Variants in KRT17 observed in about 807,000 individuals in gnomAD.
The protein encoded by KRT17 is keratin, type I cytoskeletal 17.
In KRT17, 29 loss-of-function variants were observed where a neutral mutation model predicts 45.6. The observed-to-expected ratio is 0.64, with a 90% confidence interval of 0.47 to 0.87. The LOEUF is 0.87. Ranked by LOEUF, KRT17 falls within the 40% of genes least tolerant of loss-of-function variation. The pLI is 0.00. For missense variants in KRT17, 536 were observed against 577.8 expected, an observed-to-expected ratio of 0.93 and a Z score of 0.74; for synonymous variants, 219 against 234.6, an observed-to-expected ratio of 0.93 and a Z score of 0.61.
Position 41,621,943 on chromosome 17 carries a change from C to T in KRT17, c.673-189G>A, listed in dbSNP as rs138410478. On this transcript the variant is annotated intron_variant, in intron 3 of 7. Transcript: ENST00000311208. ...TGCCTCCACCATCAGACTCTATCTC[C>T]CCCATTAGACCAAGGACTCTCCAAA... 6.1e-3 allele frequency: 4,050 copies of T among 662,842 alleles called. 95 individuals carry two copies. In the East Asian group the frequency reaches 0.062, roughly 10 times the overall value. 41.1% of individuals were successfully genotyped at this position (662,842 alleles called of 1,614,324 possible).
intron 6 of KRT17, 35 bp downstream of exon 6, chr17:41,620,624 G>C: frequency 6.2e-7 from 1 of 1,610,250 alleles, no homozygotes; most frequent in Non-Finnish European, 8.5e-7. Flanking sequence ...CCTGCCAAGA[G>C]ACCCCCAGCC....
At chr17:41,623,065 A>G in intron 1 of KRT17, 33 bp from the exon 2 acceptor site, 1 of 1,543,270 alleles carries the variant, frequency 6.5e-7, no homozygotes, top group Non-Finnish European at 9.0e-7. Context: ...AGGTCATTGG[A>G]TGGGGGTGGC....
intron 7 of KRT17, chr17:41,619,915 C>T: frequency 1.0e-6 from 1 of 985,400 alleles, no homozygotes; most frequent in Non-Finnish European, 1.2e-6. Flanking sequence ...TCTTGCCTCC[C>T]CAGATGGGTT....
At chr17:41,619,985 G>A (rs759288475) in intron 7 of KRT17, 100 of 985,172 alleles carry the variant, frequency 1.0e-4, no homozygotes, top group Admixed American at 5.5e-4. Flanking sequence ...CATGAAATCC[G>A]TCTCCATTTC....
rs2144611157 is a variant in KRT17 at position 41,619,450 on chromosome 17, T to A, written c.*144A>T. On this transcript the variant is annotated 3_prime_UTR_variant, in exon 8 of 8. Coordinates refer to ENST00000311208, the MANE Select transcript of KRT17 (RefSeq NM_000422.3). ...AACAAGGACACATTTCATAGCTGAG[T>A]CAACAAGCTTTATTGTCATCAGGCA... The A allele has an allele frequency of 2.1e-6, 3 of 1,457,936 alleles. No individual in the cohort carries two copies. In the East Asian group the frequency reaches 6.9e-5, roughly 34 times the overall value. 90.3% of individuals were successfully genotyped at this position (1,457,936 alleles called of 1,614,324 possible). A position where few individuals can be genotyped will look rare whatever the true frequency, so the allele number is the denominator to read the frequency against.
Position 41,619,484 on chromosome 17 carries a change from T to A in KRT17, c.*110A>T. On this transcript the variant is annotated 3_prime_UTR_variant, in exon 8 of 8. Coordinates refer to ENST00000311208, the MANE Select transcript of KRT17 (RefSeq NM_000422.3). ...TTTATTGTCATCAGGCAAGGAAGCA[T>A]GGGGAAGGGACTGAAGCAGGGGGCT... 6.3e-7 allele frequency: 1 copy of A among 1,585,272 alleles called. No individual in the cohort carries two copies. Among genetic ancestry groups the A allele is most frequent in the Non-Finnish European group, 8.6e-7 (1 of 1,159,508 alleles).
rs370558562 is a variant in KRT17, at chr17:41,624,046, C to A, written c.432+32G>T. On this transcript the variant is annotated intron_variant, in intron 1 of 7. Coordinates refer to ENST00000311208, the MANE Select transcript of KRT17 (RefSeq NM_000422.3). Reference sequence around the variant, plus strand: ...GGAGTTGGGGGGAAGAAGTCATGCCCCCCGGAGACCCCTCCCACCAGCAGG... The same window carrying A: ...GGAGTTGGGGGGAAGAAGTCATGCCACCCGGAGACCCCTCCCACCAGCAGG... 1.8e-4 allele frequency: 289 copies of A among 1,611,894 alleles called. No individual in the cohort carries two copies. The African/African-American group carries it at 3.4e-3, about 19-fold the overall frequency.
chr17:41,622,395 A>T lies in KRT17; in HGVS notation c.632T>A (p.Leu211His), dbSNP rs758738869. Residue 211 changes from leucine to histidine, a missense_variant, in exon 3 of 8, where the codon CTC becomes CAC. Physicochemically the swap from Leu to His is moderately conservative, Grantham distance 99 (BLOSUM62 -3). Coordinates refer to ENST00000311208, the MANE Select transcript of KRT17 (RefSeq NM_000422.3). ...CTTCAGGTAGGCCAGCTCCTCCTTG[A>T]GGTTCTCAATCTGCATCTCCAGGTC... ...RADLEMQIENLKEELAYLKKN... is the reference protein window; with the variant it reads ...RADLEMQIENHKEELAYLKKN... 6.2e-7 allele frequency: 1 copy of T among 1,613,934 alleles called. No homozygotes were observed. The highest frequency in any genetic ancestry group is 8.5e-7 in the Non-Finnish European group (1 of 1,180,018).
chr17:41,623,088 A>G (rs1908602245), intron 1 of KRT17, 56 bp from the exon 2 acceptor site: 1 of 1,317,598 alleles, frequency 7.6e-7, no homozygotes, highest in African/African-American at 1.4e-5. Flanking sequence ...AGCCCACACC[A>G]GGGTTCTGAG....
At chr17:41,623,868 C>T (rs1259041082) in intron 1 of KRT17, among the ~76,000 whole-genome samples, 1 of 152,238 alleles carries the variant, frequency 6.6e-6, no homozygotes, top group Non-Finnish European at 1.5e-5. Flanking sequence ...TCCACAAGGC[C>T]TCTTTGTTCC....
In KRT17 at chr17:41,621,625, G is replaced by T; in HGVS notation, c.802C>A (p.Arg268Ser). 1 of 1,612,080 alleles carries T rather than the reference G, an allele frequency of 6.2e-7. No individual in the cohort carries two copies. Among genetic ancestry groups the T allele is most frequent in the Non-Finnish European group, 8.5e-7 (1 of 1,179,858 alleles). The change falls in exon 4 of 8, where the codon CGC becomes AGC. Residue 268 changes from arginine to serine, a missense_variant. Physicochemically the swap from Arg to Ser is moderately radical, Grantham distance 110. Coordinates refer to ENST00000311208, the MANE Select transcript of KRT17 (RefSeq NM_000422.3). ...AAGAACCAATCCTCGGCATCCTTGC[G>T]GTTCTTCTCTGCCATCTTCTCATAC... Reference protein sequence around the residue: ...DQYEKMAEKNRKDAEDWFFSK... With the variant: ...DQYEKMAEKNSKDAEDWFFSK...
rs774006250 is a variant in KRT17 at position 41,620,583 on chromosome 17, G to C, written c.1182-25C>G. 105 of 1,610,870 alleles carry C rather than the reference G, an allele frequency of 6.5e-5. 1 individual carries two copies. In the Admixed American group the frequency reaches 1.7e-3, roughly 27 times the overall value. On this transcript the variant is annotated intron_variant, in intron 6 of 7. Transcript: ENST00000311208. Reference sequence around the variant, plus strand: ...GCTGAAAGAAAAAAAAAAACAGAGAGGAAATTAGATGTGGGTCTGAGAGCC... The same window carrying C: ...GCTGAAAGAAAAAAAAAAACAGAGACGAAATTAGATGTGGGTCTGAGAGCC...
chr17:41,620,710 A>G lies in KRT17; in HGVS notation c.1130T>C (p.Leu377Pro). The change falls in exon 6 of 8, where the codon CTG becomes CCG. Residue 377 changes from leucine to proline, a missense_variant. Coordinates refer to ENST00000311208, the MANE Select transcript of KRT17 (RefSeq NM_000422.3). ...GCGGTAGGTGGCAATCTCCTGCTCCAGCCGCGTCTTCACATCCAGCAGGAT... is the reference window on the plus strand; with the variant it reads ...GCGGTAGGTGGCAATCTCCTGCTCCGGCCGCGTCTTCACATCCAGCAGGAT... ...YKILLDVKTR[L>P]EQEIATYRRL... 1.2e-6 allele frequency: 2 copies of G among 1,612,136 alleles called. No homozygotes were observed. Among genetic ancestry groups the G allele is most frequent in the African/African-American group, 2.7e-5 (2 of 74,962 alleles).
In KRT17 at chr17:41,620,645, G is replaced by T; in HGVS notation, c.1181+14C>A. ...AAGAGACCCCCAGCCCTGACCCCAG[G>T]CGCCCCCACTCACTGGGCATCCTCT... On this transcript the variant is annotated intron_variant, in intron 6 of 7. Transcript: ENST00000311208. 1 of 1,611,746 alleles carries T rather than the reference G, an allele frequency of 6.2e-7. No individual in the cohort carries two copies. Among genetic ancestry groups the T allele is most frequent in the Non-Finnish European group, 8.5e-7 (1 of 1,179,788 alleles).
Position 41,621,585 on chromosome 17 carries a change from C to A in KRT17, c.834+8G>T. On this transcript the variant is annotated splice_region_variant and intron_variant, in intron 4 of 7. Transcript: ENST00000311208. ...TAAGAGAGCCCTCTGGCCTGCAGCA[C>A]CCCCCACCTTGCTGAAGAACCAATC... 6.2e-7 allele frequency: 1 copy of A among 1,611,692 alleles called. No homozygotes were observed. Among genetic ancestry groups the A allele is most frequent in the Non-Finnish European group, 8.5e-7 (1 of 1,179,612 alleles).
rs751564766 is a variant in KRT17, at chr17:41,620,089, T to C, written c.1205-401A>G. ...CAGGCCCCTATCTCCTCCATTAGAC[T>C]AGGAACCCTAAGGCTAGGATCATAT... On this transcript the variant is annotated intron_variant, in intron 7 of 7. Transcript: ENST00000311208. The C allele has an allele frequency of 7.1e-6, 7 of 985,182 alleles. No homozygotes were observed. The Admixed American group carries it at 1.8e-4, about 26-fold the overall frequency. The allele number at this position is 985,182 out of a possible 1,614,324, so 61.0% of individuals were successfully genotyped here.
chr17:41,621,548 A>C, intron 4 of KRT17, 45 bp downstream of exon 4: 1 of 1,610,660 alleles, frequency 6.2e-7, no homozygotes. Context: ...AAGGCCCCTG[A>C]GCCCCAGCCC....
intron 7 of KRT17, 22 bp downstream of exon 7, chr17:41,620,514 C>A: frequency 6.2e-7 from 1 of 1,611,928 alleles, no homozygotes; most frequent in Non-Finnish European, 8.5e-7. Flanking sequence ...ACCCCCAGGG[C>A]CGAAGCCACG....
chr17:41,620,627 C>T (rs1464664203), intron 6 of KRT17, 32 bp downstream of exon 6: 3 of 1,611,816 alleles, frequency 1.9e-6, no homozygotes, highest in Non-Finnish European at 1.7e-6. Flanking sequence ...GCCAAGAGAC[C>T]CCCAGCCCTG....
Sources: allele counts gnomAD v4.1 joint callset (sites outside exome capture counted in the v4.1 genomes callset), GRCh38; gene constraint gnomAD v4.1.1; transcripts MANE v1.5; gene names NCBI Gene and HGNC (gene_info 2026-07-23, HGNC 2026-07-21).